The following MAP4 variants were observed in gnomAD, a reference collection of about 807,000 sequenced individuals.
The protein encoded by MAP4 is microtubule associated protein 4, also known as microtubule-associated protein 4.
A neutral mutation model predicts 170.2 loss-of-function variants in MAP4; 76 were observed. The ratio of observed to expected loss-of-function variants is 0.45; its 90% CI spans 0.37 to 0.54. The LOEUF (loss-of-function observed/expected upper bound fraction) is 0.54. Ranked by LOEUF, MAP4 falls within the 20% of genes least tolerant of loss-of-function variation. The pLI, the probability that MAP4 is intolerant of heterozygous loss-of-function variation, is 0.00. For synonymous variants in MAP4, 909 were observed against 994.5 expected, an observed-to-expected ratio of 0.91 and a Z score of 1.62; for missense variants, 2,506 against 2,748.0, an observed-to-expected ratio of 0.91 and a Z score of 1.97.
intron 1 of MAP4, among the ~76,000 whole-genome samples, chr3:48,060,977 T>C (rs1266635911): frequency 6.6e-6 from 1 of 152,024 alleles, no homozygotes; most frequent in East Asian, 1.9e-4. Context: ...CCCAAGTAGC[T>C]GGGACTACAG....
At chr3:47,891,646 G>C in intron 10 of MAP4, 1 of 1,536,094 alleles carries the variant, frequency 6.5e-7, no homozygotes, top group Non-Finnish European at 8.7e-7. Context: ...CAGCCTCCTC[G>C]GTAGAACTCA....
chr3:48,077,298 G>A (rs911592592), intron 1 of MAP4, among the ~76,000 whole-genome samples: 3 of 151,574 alleles, frequency 2.0e-5, no homozygotes, highest in Non-Finnish European at 2.9e-5. Context: ...AAAATTAGCC[G>A]GGCATGGTGG....
chr3:47,949,466 A>C lies in MAP4; in HGVS notation c.293-21116T>G, dbSNP rs867208691. Among the ~76,000 whole-genome samples, 11 of 71,704 alleles carry C rather than the reference A, an allele frequency of 1.5e-4. No homozygotes were observed. The East Asian group carries it at 1.5e-3, about 10-fold the overall frequency. 47.0% of individuals were successfully genotyped at this position (71,704 alleles called of 152,430 possible). A position where few individuals can be genotyped will look rare whatever the true frequency, so the allele number is the denominator to read the frequency against. ...GGGCAACAGAGCAAGACTGCGTCCC[A>C]AAAAAAAAAAAAAAAAAAAAAAAGA... On this transcript the variant is annotated intron_variant, in intron 3 of 20. Coordinates refer to ENST00000683076, the MANE Select transcript of MAP4 (RefSeq NM_001385682.1).
At chr3:47,966,132 TAC>T (rs1356819888) in intron 3 of MAP4, among the ~76,000 whole-genome samples, 2 of 151,304 alleles carry the variant, frequency 1.3e-5, no homozygotes, top group Non-Finnish European at 2.9e-5. Flanking sequence ...TGCAGCGGTG[TAC>T]TTTACCATAG....
Position 47,916,827 on chromosome 3 carries a change from C to G in MAP4, c.1000G>C (p.Val334Leu). The G allele has an allele frequency of 6.2e-7, 1 of 1,614,260 alleles. No homozygotes were observed. The highest frequency in any genetic ancestry group is 8.5e-7 in the Non-Finnish European group (1 of 1,180,052). ...ACCTCTGTTTCTGTGGGCAGTACCA[C>G]ATTCTTGGCTGAAGATACATCTGTT... ...TETDVSSAKN[V>L]VLPTETEVAP... The change falls in exon 7 of 21, where the codon GTG becomes CTG. Residue 334 changes from valine to leucine, a missense_variant. Val to Leu is a conservative substitution (Grantham distance 32). Around this residue, in one of 3 missense-constraint regions of MAP4, gnomAD observed 2,008 missense variants for 2,206.0 expected, o/e 0.91. Transcript: ENST00000683076.
At position 47,911,915 on chromosome 3, in the gene MAP4, A is replaced by G. The variant is rs4858871; in HGVS notation, c.2506T>C (p.Leu836=). ...VSGENLKREC[L]VNSSAARLVA... ...AGTCTGGCTGCACTGGAGTTAACTAAACATTCCCTTTTCAAGTTTTCTCCA... is the reference window on the plus strand; with the variant it reads ...AGTCTGGCTGCACTGGAGTTAACTAGACATTCCCTTTTCAAGTTTTCTCCA... The change falls in exon 9 of 21, where the codon TTA becomes CTA. Residue 836 remains leucine (L), a synonymous_variant. Transcript: ENST00000683076. This position sits in a 1 kb window ranked among gnomAD's most constrained non-coding sequence, Gnocchi z 4.0. 2.6e-6 allele frequency: 4 copies of G among 1,535,666 alleles called. No homozygotes were observed. The highest frequency in any genetic ancestry group is 3.5e-6 in the Non-Finnish European group (4 of 1,146,842).
intron 3 of MAP4, among the ~76,000 whole-genome samples, chr3:47,967,197 G>A (rs1418178317): frequency 5.9e-5 from 9 of 152,150 alleles, no homozygotes; most frequent in Admixed American, 5.2e-4. Context: ...TTAGCTGGGC[G>A]TGGTGGCACA....
In MAP4 at chr3:48,054,449, C is replaced by T. The variant is rs910195511; in HGVS notation, c.-20+34324G>A. 2.6e-5 allele frequency among the ~76,000 whole-genome samples: 4 copies of T among 151,846 alleles called. No homozygotes were observed. The Middle Eastern group carries it at 0.01, about 390-fold the overall frequency. ...CAGCCTGGCCAACATAGTGAAACCCCGTCTCTACCAAAAATACAATAAAGT... is the reference window on the plus strand; with the variant it reads ...CAGCCTGGCCAACATAGTGAAACCCTGTCTCTACCAAAAATACAATAAAGT... On this transcript the variant is annotated intron_variant, in intron 1 of 18. Coordinates refer to the MAP4 transcript ENST00000360240.
intron 1 of MAP4, among the ~76,000 whole-genome samples, chr3:48,066,910 G>A (rs1430699627): frequency 2.4e-5 from 3 of 122,546 alleles, no homozygotes; most frequent in South Asian, 2.7e-4. Flanking sequence ...GTACGATCTC[G>A]GCTCACTGCA....
chr3:47,975,520 G>A lies in MAP4; in HGVS notation c.292+2345C>T. 3.3e-6 allele frequency: 4 copies of A among 1,202,058 alleles called. No individual in the cohort carries two copies. The South Asian group carries it at 3.9e-5, about 12-fold the overall frequency. 74.5% of individuals were successfully genotyped at this position (1,202,058 alleles called of 1,614,324 possible). Reference sequence around the variant, plus strand: ...GAAGTAGGAAGGGGAAGAAAAGGGTGGAAAAGCACAGGTCATTAGTAAACA... The same window carrying A: ...GAAGTAGGAAGGGGAAGAAAAGGGTAGAAAAGCACAGGTCATTAGTAAACA... On this transcript the variant is annotated intron_variant, in intron 3 of 20. Coordinates refer to ENST00000683076, the MANE Select transcript of MAP4 (RefSeq NM_001385682.1).
chr3:48,074,137 G>T (rs1266932857), intron 1 of MAP4, among the ~76,000 whole-genome samples: 2 of 152,006 alleles, frequency 1.3e-5, no homozygotes, highest in African/African-American at 2.4e-5. Flanking sequence ...CATAAAAAAG[G>T]ATGAGTTCAT....
In MAP4 at chr3:47,909,566, CAA is replaced by C; in HGVS notation, c.4853_4854del (p.Val1618GlyfsTer6). ...NEEKETKEGS[V>X]AVQIPDLLED... Reference sequence around the variant, plus strand: ...TCCAGTAAGTCAGGAATCTGAACTGCAACAGACCCTTCTTTAGTCTCTTTCTC... The same window carrying C: ...TCCAGTAAGTCAGGAATCTGAACTGCCAGACCCTTCTTTAGTCTCTTTCTC... On this transcript the variant is annotated frameshift_variant, in exon 9 of 21. Coordinates refer to ENST00000683076, the MANE Select transcript of MAP4 (RefSeq NM_001385682.1). LOFTEE classifies it high-confidence loss of function. The C allele has an allele frequency of 6.2e-7, 1 of 1,612,600 alleles. No homozygotes were observed.
At chr3:47,853,134 T>C in intron 20 of MAP4, 29 bp downstream of exon 20, 1 of 1,611,604 alleles carries the variant, frequency 6.2e-7, no homozygotes, top group East Asian at 2.2e-5. Context: ...GGCCCCTGGC[T>C]GGCCCTTAGG....
At chr3:47,946,127 T>G (rs1377783236) in intron 3 of MAP4, among the ~76,000 whole-genome samples, 2 of 149,190 alleles carry the variant, frequency 1.3e-5, no homozygotes, top group Non-Finnish European at 3.0e-5. Context: ...GTAGTTTTAG[T>G]AGAGATGGGG....
intron 12 of MAP4, among the ~76,000 whole-genome samples, chr3:47,872,341 G>A (rs977210746): frequency 1.1e-4 from 16 of 152,002 alleles, no homozygotes; most frequent in African/African-American, 3.6e-4. Context: ...GTGCCACCAC[G>A]CCCAGCTAAT....
intron 1 of MAP4, among the ~76,000 whole-genome samples, chr3:48,005,449 T>C (rs2100101755): frequency 6.6e-6 from 1 of 151,946 alleles, no homozygotes; most frequent in African/African-American, 2.4e-5. Flanking sequence ...GGGATAATGG[T>C]GGAAGGAACA....
intron 1 of MAP4, among the ~76,000 whole-genome samples, chr3:48,061,496 C>CA (rs2100135246): frequency 6.6e-6 from 1 of 152,210 alleles, no homozygotes; most frequent in Non-Finnish European, 1.5e-5. Flanking sequence ...ACTCAGTGCT[C>CA]AATGTTGCCC....
chr3:48,023,747 T>G (rs1284080289), intron 1 of MAP4, among the ~76,000 whole-genome samples: 1 of 152,212 alleles, frequency 6.6e-6, no homozygotes, highest in Non-Finnish European at 1.5e-5. Flanking sequence ...TTGCAATTGA[T>G]GTATTTTTAA....
At chr3:48,066,893 A>T (rs1445188333) in intron 1 of MAP4, among the ~76,000 whole-genome samples, 2 of 118,886 alleles carry the variant, frequency 1.7e-5, no homozygotes, top group Non-Finnish European at 3.2e-5. Flanking sequence ...CAGGCTGGAG[A>T]GCAGTGGTAC....
Sources: gnomAD v4.1 joint callset for allele counts (sites outside exome capture counted in the v4.1 genomes callset) on GRCh38, gnomAD v4.1.1 for gene constraint, gnomAD v4.1.1 regional missense constraint, Gnocchi (gnomAD v3.1) non-coding constraint, MANE v1.5 for transcripts, NCBI Gene and HGNC (gene_info 2026-07-23, HGNC 2026-07-21) for gene names.